The following SEMA3C variants were observed in gnomAD, a reference collection of about 807,000 sequenced individuals.
SEMA3C encodes semaphorin 3C, also known as semaphorin-3C.
SEMA3C carries 47 observed loss-of-function variants against 89.4 expected under a neutral mutation model. That is an observed-to-expected ratio of 0.53 (90% confidence interval 0.42 to 0.67). The LOEUF (loss-of-function observed/expected upper bound fraction) is 0.67, where lower values mean the gene tolerates loss of function less well. SEMA3C is among the 30% of genes least tolerant of loss of function. The pLI, the probability that SEMA3C is intolerant of heterozygous loss-of-function variation, is 0.00. For missense variants in SEMA3C, 839 were observed against 929.1 expected (o/e 0.90, Z 1.26); for synonymous variants, 310 against 320.2 (o/e 0.97, Z 0.34).
chr7:80,906,265 A>G (rs1792013726), intron 2 of SEMA3C, among the ~76,000 whole-genome samples: 1 of 152,198 alleles, frequency 6.6e-6, no homozygotes, highest in Non-Finnish European at 1.5e-5. Context: ...TTTTACCCAG[A>G]AGCAATATTA....
At chr7:80,785,834 C>G (rs1022193153) in intron 12 of SEMA3C, among the ~76,000 whole-genome samples, 4 of 152,160 alleles carry the variant, frequency 2.6e-5, no homozygotes, top group African/African-American at 9.7e-5. Flanking sequence ...TCTCAAACTC[C>G]CGACCTCAGG....
chr7:80,752,013 A>G (rs1482798497), intron 15 of SEMA3C, among the ~76,000 whole-genome samples: 1 of 152,130 alleles, frequency 6.6e-6, no homozygotes, highest in East Asian at 1.9e-4. Flanking sequence ...TCACATGCAA[A>G]TATATATCAT....
At chr7:80,789,896 G>T (rs1331198062) in intron 11 of SEMA3C, among the ~76,000 whole-genome samples, 7 of 152,130 alleles carry the variant, frequency 4.6e-5, no homozygotes, top group Non-Finnish European at 1.0e-4. Flanking sequence ...GCTGCCACTT[G>T]TTAAAATAAA....
rs142975808 is a variant in SEMA3C, at chr7:80,886,846, T to C, written c.103+29833A>G. Among the ~76,000 whole-genome samples, 4 of 152,278 alleles carry C rather than the reference T, an allele frequency of 2.6e-5. No homozygotes were observed. In the East Asian group the frequency reaches 7.7e-4, roughly 29 times the overall value. Reference sequence around the variant, plus strand: ...TTAAATTATGAATAATATGACCGAATATATGTAGTTAATAATCTCACCAAG... The same window carrying C: ...TTAAATTATGAATAATATGACCGAACATATGTAGTTAATAATCTCACCAAG... On this transcript the variant is annotated intron_variant, in intron 2 of 17. Transcript: ENST00000265361.
chr7:80,840,518 GAAA>G (rs1171113816), intron 2 of SEMA3C, among the ~76,000 whole-genome samples: 1,315 of 82,422 alleles, frequency 0.016, 33 homozygotes, highest in African/African-American at 0.06. Context: ...CTGTCTCCAG[GAAA>G]AAAAAAAAAA....
intron 2 of SEMA3C, among the ~76,000 whole-genome samples, chr7:80,860,860 C>T (rs1790755000): frequency 6.6e-6 from 1 of 152,126 alleles, no homozygotes; most frequent in East Asian, 1.9e-4. Context: ...AGACCTACTG[C>T]TTGGTGAGTG....
rs1788112793 is a variant in SEMA3C at position 80,758,394 on chromosome 7, G to A, written c.1580C>T (p.Ala527Val). The stretch of plus-strand genomic sequence containing the variant: ...ATCCCAGGCGCAATAAGGGTCCCGC[G>A]CCAGGCAGCAGTCAGCACAGGCTGT... Reference protein sequence around the residue: ...YGTACADCCLARDPYCAWDGH... With the variant: ...YGTACADCCLVRDPYCAWDGH... Residue 527 changes from alanine (A) to valine (V), a missense_variant, in exon 15 of 18, where the codon GCG (alanine) becomes GTG (valine). Ala to Val is a moderately conservative substitution (Grantham distance 64). Transcript: ENST00000265361. 5.6e-6 allele frequency: 9 copies of A among 1,614,048 alleles called. No homozygotes were observed. The highest frequency in any genetic ancestry group is 1.1e-5 in the South Asian group (1 of 91,050).
rs1178301406 is a variant in SEMA3C, at chr7:80,828,725, A to T, written c.124T>A (p.Ser42Thr). The change falls in exon 3 of 18, where the codon TCT becomes ACT. Residue 42 changes from serine (S) to threonine (T), a missense_variant. Transcript: ENST00000265361. Reference protein sequence around the residue: ...TFDELRETKTSEYFSLSHHPL... With the variant: ...TFDELRETKTTEYFSLSHHPL... ...TGGTGGGAAAGGCTGAAGTATTCAG[A>T]GGTCTTGGTTTCTCGAAGTTCTGAA... The T allele has an allele frequency of 6.2e-7, 1 of 1,608,090 alleles. No individual in the cohort carries two copies. The highest frequency in any genetic ancestry group is 1.7e-5 in the Admixed American group (1 of 59,834).
chr7:80,867,037 C>T (rs1270787990), intron 2 of SEMA3C, among the ~76,000 whole-genome samples: 1 of 152,166 alleles, frequency 6.6e-6, no homozygotes, highest in African/African-American at 2.4e-5. Flanking sequence ...GTTTCGATTG[C>T]ACTGCCTATT....
chr7:80,797,957 C>T, intron 11 of SEMA3C, 135 bp downstream of exon 11: 1 of 782,812 alleles, frequency 1.3e-6, no homozygotes, highest in Non-Finnish European at 1.9e-6. Flanking sequence ...GAGATTGCAC[C>T]ACTACATTCC....
intron 2 of SEMA3C, among the ~76,000 whole-genome samples, chr7:80,859,890 A>G (rs185470774): frequency 1.6e-4 from 24 of 151,812 alleles, no homozygotes; most frequent in Admixed American, 1.5e-3. Context: ...TTGGTTTAGG[A>G]GTCCCTTTGT....
chr7:80,881,645 G>C (rs906630030), intron 2 of SEMA3C, among the ~76,000 whole-genome samples: 10 of 152,162 alleles, frequency 6.6e-5, no homozygotes, highest in African/African-American at 2.4e-4. Context: ...ATTTGTCTTA[G>C]TAATCATGGG....
chr7:80,747,404 T>C (rs1787827002), intron 17 of SEMA3C, among the ~76,000 whole-genome samples: 1 of 152,144 alleles, frequency 6.6e-6, no homozygotes, highest in East Asian at 1.9e-4. Flanking sequence ...TTGAACTTTC[T>C]ACTGAATAAA....
At position 80,916,837 on chromosome 7, in the gene SEMA3C, CA is replaced by C; in HGVS notation, c.-38-19del. ...GAAAATACCTTTAAGAGAGAGACAA[CA>C]TGTTTGTTATATCTCATTTCACATT... On this transcript the variant is annotated intron_variant, in intron 1 of 17. Transcript: ENST00000265361. 6.2e-7 allele frequency: 1 copy of C among 1,601,614 alleles called. No individual in the cohort carries two copies. The highest frequency in any genetic ancestry group is 8.5e-7 in the Non-Finnish European group (1 of 1,173,970).
At chr7:80,818,671 A>G (rs1328155136) in intron 4 of SEMA3C, among the ~76,000 whole-genome samples, 2 of 152,022 alleles carry the variant, frequency 1.3e-5, no homozygotes, top group African/African-American at 2.4e-5. Context: ...AAAAATAAAA[A>G]TCCCCCCAAA....
chr7:80,794,011 T>C (rs1789004433), intron 11 of SEMA3C, among the ~76,000 whole-genome samples: 1 of 152,058 alleles, frequency 6.6e-6, no homozygotes, highest in South Asian at 2.1e-4. Context: ...CCAAGCCCTT[T>C]GTCTGAAGCC....
rs748055798 is a variant in SEMA3C at position 80,871,550 on chromosome 7, T to C, written c.104-42805A>G. 1.1e-4 allele frequency among the ~76,000 whole-genome samples: 17 copies of C among 152,356 alleles called. No homozygotes were observed. The East Asian group carries it at 1.7e-3, about 16-fold the overall frequency. ...GTGCTGAAGGGTATTAACCCATTTA[T>C]GCCAGACAAATTTTTGAATTTTTCC... On this transcript the variant is annotated intron_variant, in intron 2 of 17. Coordinates refer to ENST00000265361, the MANE Select transcript of SEMA3C (RefSeq NM_006379.5).
At chr7:80,856,583 G>GAA (rs58566322) in intron 2 of SEMA3C, among the ~76,000 whole-genome samples, 3 of 116,314 alleles carry the variant, frequency 2.6e-5, no homozygotes, top group African/African-American at 9.2e-5. Flanking sequence ...AATTTATGCT[G>GAA]AAAAAAAAAA....
At chr7:80,874,973 A>G (rs1417487510) in intron 2 of SEMA3C, among the ~76,000 whole-genome samples, 1 of 151,910 alleles carries the variant, frequency 6.6e-6, no homozygotes, top group Non-Finnish European at 1.5e-5. Flanking sequence ...AGTCCCAGCT[A>G]CTCGGGAGGC....
Sources: gnomAD v4.1 joint callset for allele counts (sites outside exome capture counted in the v4.1 genomes callset) on GRCh38, gnomAD v4.1.1 for gene constraint, MANE v1.5 for transcripts, NCBI Gene and HGNC (gene_info 2026-07-23, HGNC 2026-07-21) for gene names.